Variants in TEX14 observed in about 807,000 individuals in gnomAD.
The protein encoded by TEX14 is testis expressed 14, intercellular bridge forming factor.
TEX14 carries 168 observed loss-of-function variants against 178.6 expected under a neutral mutation model. That is an observed-to-expected ratio of 0.94 (90% confidence interval 0.83 to 1.07). The LOEUF is 1.07. TEX14 is among the 50% of genes least tolerant of loss of function. TEX14 has a pLI of 0.00. For missense variants in TEX14, 1,730 were observed against 1,753.6 expected (o/e 0.99, Z 0.24); for synonymous variants, 626 against 634.1 (o/e 0.99, Z 0.19).
rs1402582768 is a variant in TEX14 at position 58,593,151 on chromosome 17, T to C, written c.2576+404A>G. On this transcript the variant is annotated intron_variant, in intron 15 of 31. Transcript: ENST00000349033. ...CTGGAAATCACACACCCCAGGGTCA[T>C]AGTGATGTTGTTCAACTCTCTCTGG... Among the ~76,000 whole-genome samples the C allele has an allele frequency of 1.3e-5, 2 of 152,232 alleles. 1 individual carries two copies. The highest frequency in any genetic ancestry group is 4.8e-5 in the African/African-American group (2 of 41,464).
intron 1 of TEX14, among the ~76,000 whole-genome samples, chr17:58,684,464 A>C (rs914811521): frequency 1.7e-4 from 25 of 147,456 alleles, no homozygotes; most frequent in South Asian, 2.1e-4. Flanking sequence ...CTCCGTCCCA[A>C]AAAAAAAAAA....
rs1555577862 is a variant in TEX14, at chr17:58,641,487, A to ATTT, written c.136+10376_136+10378dup. On this transcript the variant is annotated intron_variant, in intron 2 of 31. Transcript: ENST00000349033. The stretch of plus-strand genomic sequence containing the variant: ...CCATTCTTTTCTTTCTTTCTCTTTT[A>ATTT]TTTATTATTATTATTATTATTATTA... Among the ~76,000 whole-genome samples the ATTT allele has an allele frequency of 5.2e-3, 407 of 77,662 alleles. 3 individuals carry two copies. Among genetic ancestry groups the ATTT allele is most frequent in the Middle Eastern group, 0.02 (4 of 196 alleles). The allele number at this position is 77,662 out of a possible 152,430, so 50.9% of individuals were successfully genotyped here.
intron 2 of TEX14, 100 bp downstream of exon 2, chr17:58,651,766 C>T (rs2046844088): frequency 8.9e-7 from 1 of 1,120,258 alleles, no homozygotes; most frequent in Non-Finnish European, 1.2e-6. Context: ...TTCTGGATTT[C>T]CCCAAGGACT....
intron 5 of TEX14, among the ~76,000 whole-genome samples, chr17:58,620,215 C>T (rs557997701): frequency 6.6e-6 from 1 of 152,196 alleles, no homozygotes; most frequent in Non-Finnish European, 1.5e-5. Flanking sequence ...TTGGATGAGG[C>T]AGGGTCTCCA....
At chr17:58,606,204 C>T (rs1213964832) in intron 10 of TEX14, among the ~76,000 whole-genome samples, 2 of 152,176 alleles carry the variant, frequency 1.3e-5, no homozygotes, top group African/African-American at 4.8e-5. Context: ...CAGCAAGAGT[C>T]CTCAGGGTAA....
chr17:58,562,682 T>A (rs1308961973), intron 28 of TEX14, among the ~76,000 whole-genome samples: 3 of 151,996 alleles, frequency 2.0e-5, no homozygotes, highest in Non-Finnish European at 4.4e-5. Context: ...TTTTTTTATA[T>A]ATAATTTTAG....
chr17:58,569,320 AT>A lies in TEX14; in HGVS notation c.3818-61del. 1.5e-6 allele frequency: 2 copies of A among 1,369,846 alleles called. No homozygotes were observed. The highest frequency in any genetic ancestry group is 4.6e-5 in the East Asian group (2 of 43,388). 84.9% of individuals were successfully genotyped at this position (1,369,846 alleles called of 1,614,324 possible). On this transcript the variant is annotated intron_variant, in intron 25 of 31. Transcript: ENST00000349033. The surrounding 1 kb of genome is among the most constrained non-coding windows in gnomAD (Gnocchi z 4.1). ...TAACACCCTCCTGGACCTGAACTGA[AT>A]TTTTCTCGGCTCTCACATAGACTTG...
In TEX14 at chr17:58,572,141, C is replaced by T. The variant is rs745642365; in HGVS notation, c.3512-15G>A. 6.9e-6 allele frequency: 11 copies of T among 1,584,620 alleles called. No individual in the cohort carries two copies. The highest frequency in any genetic ancestry group is 3.4e-5 in the Admixed American group (2 of 59,320). ...AGAAACGGACCCTGTTGGAGAAAAG[C>T]GGAAGGTTACTGTCTGAATCCTTTA... On this transcript the variant is annotated splice_polypyrimidine_tract_variant and intron_variant, in intron 23 of 31. Coordinates refer to ENST00000349033, the MANE Select transcript of TEX14 (RefSeq NM_031272.5).
At chr17:58,568,889 T>A (rs917455459) in intron 26 of TEX14, among the ~76,000 whole-genome samples, 1 of 152,182 alleles carries the variant, frequency 6.6e-6, no homozygotes, top group Non-Finnish European at 1.5e-5. Context: ...AGAACTCCTT[T>A]AATAAAAGAA....
At chr17:58,572,169 T>A in intron 23 of TEX14, 43 bp from the exon 24 acceptor site, 1 of 1,419,774 alleles carries the variant, frequency 7.0e-7, no homozygotes, top group Non-Finnish European at 9.7e-7. Context: ...ATCCTTTATA[T>A]TATTTCTCCT....
At chr17:58,665,197 G>A (rs915565244) in intron 1 of TEX14, among the ~76,000 whole-genome samples, 1 of 151,934 alleles carries the variant, frequency 6.6e-6, no homozygotes, top group African/African-American at 2.4e-5. Flanking sequence ...TCGCTATGCT[G>A]CCCAGTCTGG....
Position 58,605,125 on chromosome 17 carries a change from C to T in TEX14, c.1189G>A (p.Asp397Asn). The T allele has an allele frequency of 1.9e-6, 3 of 1,613,918 alleles. No individual in the cohort carries two copies. Among genetic ancestry groups the T allele is most frequent in the Non-Finnish European group, 2.5e-6 (3 of 1,179,898 alleles). ...GTCAGGTCCCTCTGTACACCTCTGT[C>T]CTCGCTACGGAAGGAAACTCACAAG... Reference protein sequence around the residue: ...TNLEYMLESEDRGVQRDLTRV... With the variant: ...TNLEYMLESENRGVQRDLTRV... The change falls in exon 11 of 32, where the codon GAC becomes AAC. Residue 397 changes from aspartate to asparagine, a missense_variant. Transcript: ENST00000349033.
At chr17:58,615,925 G>A (rs1316361364) in intron 7 of TEX14, among the ~76,000 whole-genome samples, 8 of 152,212 alleles carry the variant, frequency 5.3e-5, no homozygotes, top group Admixed American at 3.9e-4. Context: ...GTAAGGGACT[G>A]CAACTGGCAC....
In TEX14 at chr17:58,622,863, T is replaced by C. The variant is rs777297025; in HGVS notation, c.401A>G (p.Lys134Arg). Residue 134 changes from lysine to arginine, a missense_variant, in exon 4 of 32, where the codon AAG becomes AGG. Lys to Arg is a conservative substitution (Grantham distance 26). Around this residue, in one of 2 missense-constraint regions of TEX14, gnomAD observed 789 missense variants for 681.2 expected, o/e 1.16. Coordinates refer to ENST00000349033, the MANE Select transcript of TEX14 (RefSeq NM_031272.5). ...CACCCTTACCTGGGTGCTACGCTCC[T>C]TTCCTGCTGTCAAAGCCCAAGTCTT... ...NPKTWALTAGKERSTQIVEFM... is the reference protein window; with the variant it reads ...NPKTWALTAGRERSTQIVEFM... 7.5e-6 allele frequency: 12 copies of C among 1,610,340 alleles called. No homozygotes were observed. In the East Asian group the frequency reaches 1.6e-4, roughly 21 times the overall value.
In TEX14 at chr17:58,557,374, G is replaced by A. The variant is rs562820151; in HGVS notation, c.4320-327C>T. On this transcript the variant is annotated intron_variant, in intron 31 of 31. Transcript: ENST00000349033. ...CAACCTCTGCCTTCCGGGTTTAAGC[G>A]ATTGTCCTGCCTCAGCCTCCTGAGT... Among the ~76,000 whole-genome samples, 74 of 151,912 alleles carry A rather than the reference G, an allele frequency of 4.9e-4. 1 individual carries two copies. The South Asian group carries it at 0.015, about 30-fold the overall frequency.
intron 1 of TEX14, among the ~76,000 whole-genome samples, chr17:58,675,109 G>A (rs573828316): frequency 1.3e-5 from 2 of 151,748 alleles, no homozygotes; most frequent in East Asian, 1.9e-4. Context: ...TTGTGCCATT[G>A]CACTCCAGCC....
chr17:58,650,734 A>G (rs1160731771), intron 2 of TEX14, among the ~76,000 whole-genome samples: 1 of 152,094 alleles, frequency 6.6e-6, no homozygotes, highest in African/African-American at 2.4e-5. Context: ...CAGCCTCCCA[A>G]AGTGCTCGGT....
At chr17:58,637,244 C>CA (rs1388523441) in intron 2 of TEX14, among the ~76,000 whole-genome samples, 1 of 151,836 alleles carries the variant, frequency 6.6e-6, no homozygotes, top group Non-Finnish European at 1.5e-5. Flanking sequence ...AAAAAAACAA[C>CA]AAAAAAACAA....
rs763971078 is a variant in TEX14 at position 58,584,544 on chromosome 17, G to C, written c.3127C>G (p.Gln1043Glu). The change falls in exon 19 of 32, where the codon CAA (glutamine) becomes GAA (glutamate). Residue 1043 changes from glutamine (Q) to glutamate (E), a missense_variant. Gln to Glu is a conservative substitution (Grantham distance 29, BLOSUM62 2). Coordinates refer to ENST00000349033, the MANE Select transcript of TEX14 (RefSeq NM_031272.5). Reference protein sequence around the residue: ...KEQPEHSEAFQASSDTLVAVE... With the variant: ...KEQPEHSEAFEASSDTLVAVE... ...GCCACCAATGTGTCAGAACTTGCTT[G>C]GAAGGCTTCACTATGCTCTGGTTGC... 6.2e-7 allele frequency: 1 copy of C among 1,614,002 alleles called. No homozygotes were observed. The highest frequency in any genetic ancestry group is 1.3e-5 in the African/African-American group (1 of 74,894).
Sources: allele counts gnomAD v4.1 joint callset (sites outside exome capture counted in the v4.1 genomes callset), GRCh38; gene constraint gnomAD v4.1.1; regional missense constraint gnomAD v4.1.1; non-coding constraint Gnocchi (gnomAD v3.1); transcripts MANE v1.5; gene names NCBI Gene and HGNC (gene_info 2026-07-23, HGNC 2026-07-21).